Variants in MACF1 observed in about 807,000 individuals in gnomAD.
MACF1 encodes the protein microtubule-actin cross-linking factor 1.
A neutral mutation model predicts 854.8 loss-of-function variants in MACF1; 193 were observed. The observed-to-expected ratio is 0.23, with a 90% CI of 0.20 to 0.25. The LOEUF (loss-of-function observed/expected upper bound fraction) is 0.25. Ranked by LOEUF, MACF1 falls within the 10% of genes least tolerant of loss-of-function variation. MACF1 has a pLI of 1.00. For synonymous variants in MACF1, 3,185 were observed against 3,226.7 expected, an observed-to-expected ratio of 0.99 and a Z score of 0.44; for missense variants, 7,722 against 8,929.1, an observed-to-expected ratio of 0.86 and a Z score of 5.45.
chr1:39,119,339 C>A (rs796872824), intron 2 of MACF1, among the ~76,000 whole-genome samples: 2,733 of 120,120 alleles, frequency 0.023, 96 homozygotes, highest in African/African-American at 0.081. Flanking sequence ...AAAAAAAAAA[C>A]AACCAGAAAA....
intron 97 of MACF1, among the ~76,000 whole-genome samples, chr1:39,477,131 T>TAC (rs562347733): frequency 0.01 from 949 of 91,266 alleles, 66 homozygotes; most frequent in African/African-American, 0.038. Context: ...TATATATATA[T>TAC]ATATACACAC....
At chr1:39,229,081 A>T (rs1278638927) in intron 1 of MACF1, among the ~76,000 whole-genome samples, 1 of 152,238 alleles carries the variant, frequency 6.6e-6, no homozygotes, top group African/African-American at 2.4e-5. Flanking sequence ...ATTCTCTATT[A>T]TCCTAAATTT....
intron 97 of MACF1, among the ~76,000 whole-genome samples, chr1:39,472,940 T>G (rs1352185673): frequency 6.6e-6 from 1 of 152,202 alleles, no homozygotes; most frequent in African/African-American, 2.4e-5. Flanking sequence ...AGTCTCAGAT[T>G]GCCTTAATGC....
chr1:39,313,886 G>T (rs1012344870), intron 26 of MACF1, among the ~76,000 whole-genome samples: 19 of 152,132 alleles, frequency 1.2e-4, no homozygotes, highest in Middle Eastern at 6.8e-3. Flanking sequence ...AAAGTGCTGG[G>T]ATTACAGGCA....
At chr1:39,412,977 A>T in intron 58 of MACF1, 1 of 1,588,406 alleles carries the variant, frequency 6.3e-7, no homozygotes, top group South Asian at 1.1e-5. Context: ...TATCAGCCCC[A>T]GAGAGGGCTA....
chr1:39,103,127 T>C, intron 2 of MACF1: 1 of 485,886 alleles, frequency 2.1e-6, no homozygotes, highest in Non-Finnish European at 3.8e-6. Context: ...AGTTTCTTCT[T>C]TGATTTGTGT....
In MACF1 at chr1:39,331,794, G is replaced by T. The variant is rs1215831826; in HGVS notation, c.5206G>T (p.Gly1736Trp). ...ACTGCCTGTCAAACAATTGGCAGGG[G>T]GGATGGTGAGCTTGAAATCAGGCCG... is the stretch of plus-strand genomic sequence containing the variant. ...KLLPVKQLAG[G>W]MVSLKSGRKV... is the part of the protein sequence containing the mutation. The change falls in exon 37 of 101, where the codon GGG becomes TGG. Residue 1736 changes from glycine to tryptophan, a missense_variant. Coordinates refer to ENST00000564288, the MANE Select transcript of MACF1 (RefSeq NM_001394062.1). 1 of 1,614,176 alleles carries T rather than the reference G, an allele frequency of 6.2e-7. No homozygotes were observed. The highest frequency in any genetic ancestry group is 1.7e-5 in the Admixed American group (1 of 59,998).
chr1:39,452,559 T>C lies in MACF1; in HGVS notation c.20614-125T>C, dbSNP rs186107258. The C allele has an allele frequency of 6.1e-5, 78 of 1,285,238 alleles. No individual in the cohort carries two copies. In the African/African-American group the frequency reaches 8.9e-4, roughly 15 times the overall value. 79.6% of individuals were successfully genotyped at this position (1,285,238 alleles called of 1,614,324 possible). On this transcript the variant is annotated intron_variant, in intron 86 of 100. Transcript: ENST00000564288. The stretch of plus-strand genomic sequence containing the variant: ...AAAGATCTACAAATGAAAGATAACC[T>C]TTGTGGAGTTTTGATGAGGCCATGA...
Position 39,327,261 on chromosome 1 carries a change from G to T in MACF1, c.4522G>T (p.Ala1508Ser). ...GAAACAAATATCTGAGCAATTGAAT[G>T]CCCTAAACAAGGCTTACCATGACCT... is the stretch of plus-strand genomic sequence containing the variant. ...EKKQISEQLN[A>S]LNKAYHDLCD... The change falls in exon 36 of 101, where the codon GCC (alanine) becomes TCC (serine). Residue 1508 changes from alanine to serine, a missense_variant. Transcript: ENST00000564288. The T allele has an allele frequency of 6.2e-7, 1 of 1,602,564 alleles. No homozygotes were observed. The highest frequency in any genetic ancestry group is 2.2e-5 in the East Asian group (1 of 44,660).
intron 2 of MACF1, among the ~76,000 whole-genome samples, chr1:39,238,969 T>C (rs558724023): frequency 6.6e-6 from 1 of 152,254 alleles, no homozygotes; most frequent in East Asian, 1.9e-4. Flanking sequence ...CTTTGGCAGG[T>C]AGACCAACGT....
At chr1:39,429,735 T>C in intron 64 of MACF1, 92 bp from the exon 65 acceptor site, 1 of 1,240,582 alleles carries the variant, frequency 8.1e-7, no homozygotes, top group Non-Finnish European at 1.2e-6. Context: ...AGAGCGTCTA[T>C]GAAATTAAAG....
chr1:39,411,766 G>C, intron 58 of MACF1: 1 of 1,613,810 alleles, frequency 6.2e-7, no homozygotes, highest in Non-Finnish European at 8.5e-7. Flanking sequence ...ATCCCAGGAT[G>C]CAGAAAATTT....
chr1:39,458,964 G>A (rs1644496622), intron 90 of MACF1, 122 bp from the exon 91 acceptor site: 8 of 872,624 alleles, frequency 9.2e-6, no homozygotes, highest in Admixed American at 3.0e-5. Context: ...GCCAAGTCCC[G>A]TATTTCTTTT....
At chr1:39,425,842 A>C (rs1643708509) in intron 61 of MACF1, among the ~76,000 whole-genome samples, 1 of 152,164 alleles carries the variant, frequency 6.6e-6, no homozygotes, top group Non-Finnish European at 1.5e-5. Flanking sequence ...CCTGGTCCAT[A>C]AACTCCTTAA....
chr1:39,285,031 T>G, intron 11 of MACF1, 52 bp from the exon 12 acceptor site: 1 of 1,598,188 alleles, frequency 6.3e-7, no homozygotes, highest in Non-Finnish European at 8.5e-7. Context: ...AAATCAAAAC[T>G]GGGACAAGAG....
chr1:39,357,362 T>A lies in MACF1; in HGVS notation c.11425-13T>A, dbSNP rs773184339. 6.2e-7 allele frequency: 1 copy of A among 1,606,736 alleles called. No homozygotes were observed. Among genetic ancestry groups the A allele is most frequent in the South Asian group, 1.1e-5 (1 of 90,176 alleles). On this transcript the variant is annotated splice_polypyrimidine_tract_variant and intron_variant, in intron 44 of 100. Coordinates refer to ENST00000564288, the MANE Select transcript of MACF1 (RefSeq NM_001394062.1). ...CTGATTGTCCTTTGTTTGGGGGGAT[T>A]TTTTTTTACCAGGCCCGTCACCAAG...
chr1:39,445,177 G>A (rs1371439833), intron 80 of MACF1, among the ~76,000 whole-genome samples: 1 of 152,192 alleles, frequency 6.6e-6, no homozygotes, highest in African/African-American at 2.4e-5. Flanking sequence ...TATAGGGACT[G>A]ACGAATAATT....
At chr1:39,189,907 C>G (rs977184580) in intron 2 of MACF1, among the ~76,000 whole-genome samples, 3 of 152,130 alleles carry the variant, frequency 2.0e-5, no homozygotes, top group African/African-American at 7.2e-5. Context: ...TAACAATCAA[C>G]ATAGTACCTA....
chr1:39,133,041 G>T (rs894607060), intron 2 of MACF1, among the ~76,000 whole-genome samples: 2 of 152,146 alleles, frequency 1.3e-5, no homozygotes, highest in Admixed American at 1.3e-4. Context: ...GCCTAAATCC[G>T]CTGGAGAGCA....
Sources: allele counts gnomAD v4.1 joint callset (sites outside exome capture counted in the v4.1 genomes callset), GRCh38; gene constraint gnomAD v4.1.1; transcripts MANE v1.5; gene names NCBI Gene and HGNC (gene_info 2026-07-23, HGNC 2026-07-21).